ZFHX4: variants seen among roughly 807,000 people sequenced by gnomAD.
The protein encoded by ZFHX4 is zinc finger homeobox protein 4.
Under a neutral mutation model 267.6 loss-of-function variants are expected in ZFHX4, and 56 were observed. That is an observed-to-expected ratio of 0.21 (90% CI 0.17 to 0.26). The LOEUF is 0.26. Ranked by LOEUF, ZFHX4 falls within the 10% of genes least tolerant of loss-of-function variation. ZFHX4 has a pLI of 1.00. For missense variants in ZFHX4, 4,332 were observed against 4,420.0 expected (o/e 0.98, Z 0.56); for synonymous variants, 1,778 against 1,665.6 (o/e 1.07, Z -1.64).
Position 76,704,859 on chromosome 8 carries a change from T to C in ZFHX4, c.771T>C (p.Pro257=). The C allele has an allele frequency of 6.2e-7, 1 of 1,614,218 alleles. No individual in the cohort carries two copies. Among genetic ancestry groups the C allele is most frequent in the Non-Finnish European group, 8.5e-7 (1 of 1,180,036 alleles). ...AKNSCVSKDV[P]NNVDLSKFDG... Reference sequence around the variant, plus strand: ...ACTCCTGTGTGTCCAAAGATGTCCCTAACAATGTGGACTTGTCCAAATTCG... The same window carrying C: ...ACTCCTGTGTGTCCAAAGATGTCCCCAACAATGTGGACTTGTCCAAATTCG... The change falls in exon 2 of 11, where the codon CCT becomes CCC. Residue 257 remains proline (P), a synonymous_variant. Transcript: ENST00000651372.
chr8:76,691,553 T>G (rs1434571455), intron 1 of ZFHX4, among the ~76,000 whole-genome samples: 1 of 152,128 alleles, frequency 6.6e-6, no homozygotes, highest in Non-Finnish European at 1.5e-5. Flanking sequence ...AATGATATTA[T>G]TTAAACGACA....
chr8:76,796,420 A>C (rs1810981451), intron 4 of ZFHX4, among the ~76,000 whole-genome samples: 1 of 152,214 alleles, frequency 6.6e-6, no homozygotes, highest in African/African-American at 2.4e-5. Context: ...TTACTAGTAT[A>C]ACAATAAAAT....
At position 76,850,296 on chromosome 8, in the gene ZFHX4, G is replaced by T; in HGVS notation, c.3898G>T (p.Ala1300Ser). 6.2e-7 allele frequency: 1 copy of T among 1,613,336 alleles called. No homozygotes were observed. The highest frequency in any genetic ancestry group is 8.5e-7 in the Non-Finnish European group (1 of 1,179,700). ...AAACAGTATGCTACTGCCAGCAGCT[G>T]CCTCTGAGAAATCAGAGCGGGACAC... is the stretch of plus-strand genomic sequence containing the variant. ...MPNSMLLPAAASEKSERDTPA... is the reference protein window; with the variant it reads ...MPNSMLLPAASSEKSERDTPA... Residue 1300 changes from alanine to serine, a missense_variant, in exon 9 of 11, where the codon GCC becomes TCC. Coordinates refer to ENST00000651372, the MANE Select transcript of ZFHX4 (RefSeq NM_024721.5).
At position 76,704,886 on chromosome 8, in the gene ZFHX4, T is replaced by C; in HGVS notation, c.798T>C (p.Asp266=). 2 of 1,614,220 alleles carry C rather than the reference T, an allele frequency of 1.2e-6. No homozygotes were observed. Among genetic ancestry groups the C allele is most frequent in the African/African-American group, 1.3e-5 (1 of 75,066 alleles). ...ACAATGTGGACTTGTCCAAATTCGA[T>C]GGTTGTGTTAGCGATGGGAAAAGGA... ...VPNNVDLSKF[D]GCVSDGKRKP... Residue 266 remains aspartate, a synonymous_variant, in exon 2 of 11, where the codon GAT becomes GAC. Transcript: ENST00000651372.
At chr8:76,684,647 G>C (rs1177129428) in intron 1 of ZFHX4, among the ~76,000 whole-genome samples, 6 of 152,194 alleles carry the variant, frequency 3.9e-5, no homozygotes, top group African/African-American at 1.4e-4. Flanking sequence ...CAAAGCAATA[G>C]CACCAACTGT....
chr8:76,839,002 C>T (rs1036377241), intron 5 of ZFHX4, among the ~76,000 whole-genome samples: 4 of 145,266 alleles, frequency 2.8e-5, no homozygotes, highest in African/African-American at 1.0e-4. Context: ...TTGCATGAGC[C>T]GAGAGTGCCA....
In ZFHX4 at chr8:76,852,751, G is replaced by A. The variant is rs1019663135; in HGVS notation, c.5830G>A (p.Asp1944Asn). The A allele has an allele frequency of 7.4e-6, 12 of 1,613,672 alleles. No homozygotes were observed. Among genetic ancestry groups the A allele is most frequent in the Non-Finnish European group, 1.0e-5 (12 of 1,179,776 alleles). The change falls in exon 10 of 11, where the codon GAC (aspartate) becomes AAC (asparagine). Residue 1944 changes from aspartate (D) to asparagine (N), a missense_variant. Asp to Asn is a conservative substitution (Grantham distance 23). Around this residue, in one of 7 missense-constraint regions of ZFHX4, gnomAD observed 1,371 missense variants for 1,423.1 expected, o/e 0.96. Coordinates refer to ENST00000651372, the MANE Select transcript of ZFHX4 (RefSeq NM_024721.5). ...KGKSGEGENT[D>N]KLECGTCGKL... Reference sequence around the variant, plus strand: ...CAAAAGTGGTGAAGGCGAAAACACTGACAAACTAGAATGTGGAACATGTGG... The same window carrying A: ...CAAAAGTGGTGAAGGCGAAAACACTAACAAACTAGAATGTGGAACATGTGG...
intron 3 of ZFHX4, among the ~76,000 whole-genome samples, chr8:76,764,413 G>A (rs977922957): frequency 3.3e-5 from 5 of 152,114 alleles, no homozygotes; most frequent in African/African-American, 9.7e-5. Flanking sequence ...AGTTTACAGA[G>A]AAATTATAGA....
At position 76,851,796 on chromosome 8, in the gene ZFHX4, G is replaced by A; in HGVS notation, c.4875G>A (p.Lys1625=). 1 of 1,613,954 alleles carries A rather than the reference G, an allele frequency of 6.2e-7. No homozygotes were observed. The highest frequency in any genetic ancestry group is 8.5e-7 in the Non-Finnish European group (1 of 1,179,872). The part of the protein sequence containing the change: ...VLHQTKARAA[K]LEPSGHVAGG... ...ACCAGACAAAGGCTAGGGCTGCAAA[G>A]CTGGAGCCCAGTGGTCATGTGGCTG... is the stretch of plus-strand genomic sequence containing the variant. The change falls in exon 10 of 11, where the codon AAG becomes AAA. Residue 1625 remains lysine, a synonymous_variant. Transcript: ENST00000651372.
chr8:76,852,553 G>A lies in ZFHX4; in HGVS notation c.5632G>A (p.Gly1878Arg), dbSNP rs1295364290. ...PKQEFISEGE[G>R]LKEGKDTKKQ... Reference sequence around the variant, plus strand: ...GCAGGAATTTATAAGTGAAGGTGAAGGACTCAAAGAAGGCAAAGACACAAA... The same window carrying A: ...GCAGGAATTTATAAGTGAAGGTGAAAGACTCAAAGAAGGCAAAGACACAAA... The change falls in exon 10 of 11, where the codon GGA becomes AGA. Residue 1878 changes from glycine (G) to arginine (R), a missense_variant. Gly to Arg is a moderately radical substitution (Grantham distance 125, BLOSUM62 -2). This residue lies in a region of ZFHX4 where 1,371 missense variants were observed against 1,423.1 expected (regional missense o/e 0.96). Coordinates refer to ENST00000651372, the MANE Select transcript of ZFHX4 (RefSeq NM_024721.5). 1 of 1,610,924 alleles carries A rather than the reference G, an allele frequency of 6.2e-7. No individual in the cohort carries two copies. The highest frequency in any genetic ancestry group is 8.5e-7 in the Non-Finnish European group (1 of 1,178,414).
intron 10 of ZFHX4, among the ~76,000 whole-genome samples, chr8:76,861,378 G>A (rs866617658): frequency 2.6e-5 from 4 of 152,028 alleles, no homozygotes; most frequent in East Asian, 1.9e-4. Context: ...CCTAGGACTC[G>A]GTTTCCTTAT....
At chr8:76,699,013 T>A (rs1808031864) in intron 1 of ZFHX4, among the ~76,000 whole-genome samples, 1 of 152,124 alleles carries the variant, frequency 6.6e-6, no homozygotes, top group Non-Finnish European at 1.5e-5. Context: ...GTTAATGCAG[T>A]ATAATTGTCT....
intron 3 of ZFHX4, among the ~76,000 whole-genome samples, chr8:76,770,926 G>C (rs183360114): frequency 2.0e-5 from 3 of 152,166 alleles, no homozygotes; most frequent in Middle Eastern, 3.4e-3. Flanking sequence ...GAATTGGGTT[G>C]AAGCCATCAT....
At chr8:76,811,173 G>A (rs562079502) in intron 4 of ZFHX4, among the ~76,000 whole-genome samples, 3 of 152,156 alleles carry the variant, frequency 2.0e-5, no homozygotes, top group Admixed American at 2.0e-4. Flanking sequence ...TCAGCTAAAA[G>A]ATCCACCCAT....
At chr8:76,731,713 A>G (rs867357181) in intron 3 of ZFHX4, among the ~76,000 whole-genome samples, 6 of 152,148 alleles carry the variant, frequency 3.9e-5, no homozygotes, top group Middle Eastern at 3.4e-3. Flanking sequence ...TTCTATCAAT[A>G]TATAACAAAA....
intron 4 of ZFHX4, among the ~76,000 whole-genome samples, chr8:76,778,640 G>A (rs935429171): frequency 3.9e-5 from 6 of 152,072 alleles, no homozygotes; most frequent in African/African-American, 7.2e-5. Flanking sequence ...AGTACCATAC[G>A]CGGTCCTGCA....
Position 76,852,237 on chromosome 8 carries a change from C to G in ZFHX4, c.5316C>G (p.Gly1772=), listed in dbSNP as rs146028915. ...TGCCTGGCATGACAGGAATGGCTGG[C>G]TCCTTGCTTGAAGACCTAAAGCAGC... The part of the protein sequence containing the change: ...FGMPGMTGMA[G]SLLEDLKQQI... The change falls in exon 10 of 11, where the codon GGC becomes GGG. Residue 1772 remains glycine, a synonymous_variant. Coordinates refer to ENST00000651372, the MANE Select transcript of ZFHX4 (RefSeq NM_024721.5). The G allele has an allele frequency of 9.7e-5, 157 of 1,610,306 alleles. No homozygotes were observed. In the African/African-American group the frequency reaches 1.4e-3, roughly 14 times the overall value.
rs776799373 is a variant in ZFHX4 at position 76,856,007 on chromosome 8, A to G, written c.9086A>G (p.Lys3029Arg). 18 of 1,613,986 alleles carry G rather than the reference A, an allele frequency of 1.1e-5. No homozygotes were observed. The highest frequency in any genetic ancestry group is 1.5e-5 in the Non-Finnish European group (18 of 1,179,876). ...RLSIRDHIFS[K>R]QHISKVRETV... ...TCCATCAGAGATCACATTTTCTCCAAACAGCACATTTCAAAAGTGAGGGAG... is the reference window on the plus strand; with the variant it reads ...TCCATCAGAGATCACATTTTCTCCAGACAGCACATTTCAAAAGTGAGGGAG... Residue 3029 changes from lysine (K) to arginine (R), a missense_variant, in exon 10 of 11, where the codon AAA (lysine) becomes AGA (arginine). Coordinates refer to ENST00000651372, the MANE Select transcript of ZFHX4 (RefSeq NM_024721.5).
chr8:76,719,980 T>C (rs1164081507), intron 3 of ZFHX4, among the ~76,000 whole-genome samples: 1 of 152,176 alleles, frequency 6.6e-6, no homozygotes, highest in Non-Finnish European at 1.5e-5. Context: ...TGCCTCCACT[T>C]CATTTTTTTA....
Sources: allele counts gnomAD v4.1 joint callset (sites outside exome capture counted in the v4.1 genomes callset), GRCh38; gene constraint gnomAD v4.1.1; regional missense constraint gnomAD v4.1.1; transcripts MANE v1.5; gene names NCBI Gene and HGNC (gene_info 2026-07-23, HGNC 2026-07-21).